C3orf33: variants seen among roughly 807,000 people sequenced by gnomAD.
The protein encoded by C3orf33 is mitochondrial inner membrane subdomain organizer 1, also known as AP-1 activity suppressor.
Under a neutral mutation model 28.7 loss-of-function variants are expected in C3orf33, and 23 were observed. That is an observed-to-expected ratio of 0.80 (90% CI 0.58 to 1.13). The LOEUF (loss-of-function observed/expected upper bound fraction) is 1.13, where lower values mean the gene tolerates loss of function less well. Ranked by LOEUF, C3orf33 falls within the 50% of genes most tolerant of loss-of-function variation. The probability of loss-of-function intolerance (pLI) is 0.00; values close to 1 mark genes in which losing one functional copy is unlikely to be tolerated. For synonymous variants in C3orf33, 119 were observed against 120.5 expected (o/e 0.99, Z 0.08); for missense variants, 327 against 353.4 (o/e 0.93, Z 0.60).
In C3orf33 at chr3:155,763,010, A is replaced by G. The variant is rs1750281205; in HGVS notation, c.*507T>C. On this transcript the variant is annotated 3_prime_UTR_variant, in exon 5 of 5. Coordinates refer to ENST00000340171, the MANE Select transcript of C3orf33 (RefSeq NM_001308229.2). ...AAACCCCGTCTCTACTAAAAATGCA[A>G]AATTAGCCGGGCATGGTGGTGCATG... The G allele has an allele frequency of 6.6e-6, 1 of 152,226 alleles. No individual in the cohort carries two copies. 9.4% of individuals were successfully genotyped at this position (152,226 alleles called of 1,614,324 possible).
intron 2 of C3orf33, among the ~76,000 whole-genome samples, chr3:155,784,477 T>C (rs1751038236): frequency 1.3e-5 from 2 of 152,016 alleles, no homozygotes; most frequent in Admixed American, 6.6e-5. Flanking sequence ...TGGTGGCTCA[T>C]GTCTGTAATC....
chr3:155,800,732 CA>C (rs1276478060), intron 2 of C3orf33, among the ~76,000 whole-genome samples: 2 of 133,432 alleles, frequency 1.5e-5, no homozygotes, highest in African/African-American at 2.8e-5. Flanking sequence ...AATTCAACAA[CA>C]AAAAAACAAA....
At chr3:155,781,198 G>C (rs1750913374) in intron 2 of C3orf33, among the ~76,000 whole-genome samples, 2 of 151,596 alleles carry the variant, frequency 1.3e-5, no homozygotes, top group Non-Finnish European at 1.5e-5. Flanking sequence ...AGTAGAGACG[G>C]GGTTTCACCT....
At chr3:155,783,157 ATTT>A (rs544861385) in intron 2 of C3orf33, among the ~76,000 whole-genome samples, 1 of 142,444 alleles carries the variant, frequency 7.0e-6, no homozygotes, top group Non-Finnish European at 1.5e-5. Flanking sequence ...CCCATTCTAC[ATTT>A]TTTTTTTTTT....
chr3:155,802,868 AACATATACACAC>A (rs1418443674), intron 1 of C3orf33, among the ~76,000 whole-genome samples: 1 of 152,042 alleles, frequency 6.6e-6, no homozygotes, highest in East Asian at 1.9e-4. Context: ...TGTATATGTA[AACATATACACAC>A]ACATATACAC....
At chr3:155,803,484 G>C (rs1751712987) in intron 1 of C3orf33, among the ~76,000 whole-genome samples, 1 of 141,276 alleles carries the variant, frequency 7.1e-6, no homozygotes, top group Non-Finnish European at 1.5e-5. Flanking sequence ...AGAATCGTTT[G>C]AATCGGGGAG....
intron 2 of C3orf33, among the ~76,000 whole-genome samples, chr3:155,784,056 C>T (rs1216118090): frequency 6.6e-6 from 1 of 151,996 alleles, no homozygotes; most frequent in Non-Finnish European, 1.5e-5. Context: ...CTCAGCCTCC[C>T]AAGTAGCTGG....
rs75473014 is a variant in C3orf33, at chr3:155,801,048, G to A, written c.174+1484C>T. ...TTACTCAAAAAATTAAAAATAGGAC[G>A]GGTGTTGTTATCCCAGCACTTTGGA... On this transcript the variant is annotated intron_variant, in intron 2 of 4. Transcript: ENST00000340171. 2.1e-4 allele frequency among the ~76,000 whole-genome samples: 32 copies of A among 152,112 alleles called. No homozygotes were observed. In the East Asian group the frequency reaches 4.6e-3, roughly 22 times the overall value.
chr3:155,765,664 C>G (rs528972796), intron 4 of C3orf33, among the ~76,000 whole-genome samples: 1 of 152,158 alleles, frequency 6.6e-6, no homozygotes, highest in Admixed American at 6.5e-5. Flanking sequence ...TCTCTTGCCT[C>G]AACCTCCTGA....
chr3:155,804,611 G>C (rs1244382841), intron 1 of C3orf33, among the ~76,000 whole-genome samples: 1 of 152,160 alleles, frequency 6.6e-6, no homozygotes, highest in African/African-American at 2.4e-5. Context: ...TTGGCTTCTA[G>C]AACACCTGGC....
At chr3:155,788,591 AGAAT>A (rs1200647954) in intron 2 of C3orf33, among the ~76,000 whole-genome samples, 10 of 151,944 alleles carry the variant, frequency 6.6e-5, no homozygotes, top group African/African-American at 2.4e-4. Flanking sequence ...CTGAGGCAGG[AGAAT>A]TGCTTGAACC....
intron 2 of C3orf33, among the ~76,000 whole-genome samples, chr3:155,798,074 G>GAAAAAGA (rs796680082): frequency 7.6e-6 from 1 of 132,424 alleles, no homozygotes; most frequent in East Asian, 2.0e-4. Flanking sequence ...CTGTCTCAAA[G>GAAAAAGA]AAAAAAAAAA....
Position 155,771,907 on chromosome 3 carries a change from CA to C in C3orf33, c.322+3793del, listed in dbSNP as rs113788436. ...GTGGAGTACTCCAAGAGTACTCTATCAAAAAGGTAGAACTTGGCCAGGTGCA... is the reference window on the plus strand; with the variant it reads ...GTGGAGTACTCCAAGAGTACTCTATCAAAAGGTAGAACTTGGCCAGGTGCA... On this transcript the variant is annotated intron_variant, in intron 3 of 4. Coordinates refer to ENST00000340171, the MANE Select transcript of C3orf33 (RefSeq NM_001308229.2). Among the ~76,000 whole-genome samples the C allele has an allele frequency of 1.7e-3, 255 of 152,194 alleles. 3 individuals carry two copies. The highest frequency in any genetic ancestry group is 5.3e-3 in the African/African-American group (219 of 41,528).
At chr3:155,767,469 A>G in intron 4 of C3orf33, 40 bp downstream of exon 4, 1 of 1,377,866 alleles carries the variant, frequency 7.3e-7, no homozygotes, top group Non-Finnish European at 9.6e-7. Flanking sequence ...AAGTAATAAG[A>G]AGAATAAGAT....
chr3:155,774,784 G>A (rs1371359255), intron 3 of C3orf33, among the ~76,000 whole-genome samples: 1 of 146,610 alleles, frequency 6.8e-6, no homozygotes, highest in Non-Finnish European at 1.5e-5. Flanking sequence ...GGATACCCCT[G>A]TCTTACACCC....
intron 2 of C3orf33, among the ~76,000 whole-genome samples, chr3:155,801,751 G>A (rs932575505): frequency 1.3e-5 from 2 of 151,986 alleles, no homozygotes; most frequent in East Asian, 1.9e-4. Flanking sequence ...TTTTTGTTTT[G>A]TTTTGTTTTG....
intron 2 of C3orf33, among the ~76,000 whole-genome samples, chr3:155,783,667 G>A (rs1314139072): frequency 1.3e-5 from 2 of 151,912 alleles, no homozygotes; most frequent in South Asian, 2.1e-4. Context: ...GGGTTTCACT[G>A]TGTTGCCCAG....
intron 3 of C3orf33, among the ~76,000 whole-genome samples, chr3:155,771,092 G>T (rs375180552): frequency 4.9e-4 from 73 of 148,890 alleles, no homozygotes; most frequent in African/African-American, 1.7e-3. Context: ...CAGGCTGGAG[G>T]ACAGTGTGTG....
chr3:155,800,475 G>A (rs989270869), intron 2 of C3orf33, among the ~76,000 whole-genome samples: 1 of 151,534 alleles, frequency 6.6e-6, no homozygotes, highest in Non-Finnish European at 1.5e-5. Flanking sequence ...ATGGTGGCAG[G>A]TGCCTTTAGT....
Sources: allele counts gnomAD v4.1 joint callset (sites outside exome capture counted in the v4.1 genomes callset), GRCh38; gene constraint gnomAD v4.1.1; transcripts MANE v1.5; gene names NCBI Gene and HGNC (gene_info 2026-07-23, HGNC 2026-07-21).